Variants in CACNB2 observed in about 807,000 individuals in gnomAD.
CACNB2 encodes the protein voltage-dependent L-type calcium channel subunit beta-2.
A neutral mutation model predicts 73.3 loss-of-function variants in CACNB2; 42 were observed. The ratio of observed to expected loss-of-function variants is 0.57; its 90% CI spans 0.45 to 0.74. The LOEUF (loss-of-function observed/expected upper bound fraction) is 0.74, where lower values mean the gene tolerates loss of function less well. CACNB2 is among the 30% of genes least tolerant of loss of function. CACNB2 has a pLI of 0.00. For missense variants in CACNB2, 940 were observed against 853.0 expected (o/e 1.10, Z -1.27); for synonymous variants, 348 against 310.3 (o/e 1.12, Z -1.28).
chr10:18,396,413 C>T (rs933099834), intron 2 of CACNB2, among the ~76,000 whole-genome samples: 1 of 152,240 alleles, frequency 6.6e-6, no homozygotes, highest in African/African-American at 2.4e-5. Context: ...CCTTCCCCCA[C>T]AGACAATACA....
At chr10:18,393,444 A>G (rs1421250093) in intron 2 of CACNB2, among the ~76,000 whole-genome samples, 1 of 152,220 alleles carries the variant, frequency 6.6e-6, no homozygotes, top group Non-Finnish European at 1.5e-5. Context: ...TATAAACTGT[A>G]AATAGCCATC....
chr10:18,355,207 C>T (rs553462836), intron 2 of CACNB2, among the ~76,000 whole-genome samples: 2 of 151,870 alleles, frequency 1.3e-5, no homozygotes, highest in African/African-American at 2.4e-5. Context: ...CATGTACACT[C>T]TAAGTGTTTC....
intron 3 of CACNB2, among the ~76,000 whole-genome samples, chr10:18,468,287 ATCTCC>A (rs1564583687): frequency 6.6e-6 from 1 of 151,972 alleles, no homozygotes; most frequent in Non-Finnish European, 1.5e-5. Flanking sequence ...GCGAAAACCC[ATCTCC>A]ACAAAAAACA....
chr10:18,500,392 A>G lies in CACNB2; in HGVS notation c.457-420A>G, dbSNP rs148155043. ...GGTAAATTGTCCTGTGACATGAAATATTTAAGGTACACTTCAATATTTATC... is the reference window on the plus strand; with the variant it reads ...GGTAAATTGTCCTGTGACATGAAATGTTTAAGGTACACTTCAATATTTATC... On this transcript the variant is annotated intron_variant, in intron 4 of 13. Coordinates refer to ENST00000324631, the MANE Select transcript of CACNB2 (RefSeq NM_201596.3). Among the ~76,000 whole-genome samples, 738 of 152,360 alleles carry G rather than the reference A, an allele frequency of 4.8e-3. 3 individuals carry two copies. The highest frequency in any genetic ancestry group is 7.7e-3 in the Admixed American group (118 of 15,306).
At chr10:18,438,183 A>ATTTTTTTTTTTTTTT (rs372226267) in intron 3 of CACNB2, among the ~76,000 whole-genome samples, 4 of 93,954 alleles carry the variant, frequency 4.3e-5, no homozygotes, top group Non-Finnish European at 6.0e-5. Context: ...ACACCTGGCG[A>ATTTTTTTTTTTTTTT]TTTTTTTTTT....
At chr10:18,239,419 C>T (rs945585389) in intron 2 of CACNB2, among the ~76,000 whole-genome samples, 3 of 152,130 alleles carry the variant, frequency 2.0e-5, no homozygotes, top group Admixed American at 6.6e-5. Flanking sequence ...TGAGTTATTT[C>T]ACTTAAGACA....
chr10:18,196,110 A>T (rs2034610119), intron 2 of CACNB2, among the ~76,000 whole-genome samples: 2 of 152,144 alleles, frequency 1.3e-5, no homozygotes. Flanking sequence ...CCCTGCCAAA[A>T]GGAAGCTAAT....
At chr10:18,204,562 G>A (rs753967374) in intron 2 of CACNB2, among the ~76,000 whole-genome samples, 1 of 152,132 alleles carries the variant, frequency 6.6e-6, no homozygotes, top group Non-Finnish European at 1.5e-5. Context: ...ACCTGTCATA[G>A]GATTCAAATT....
At chr10:18,231,178 T>C (rs577733906) in intron 2 of CACNB2, among the ~76,000 whole-genome samples, 3 of 152,152 alleles carry the variant, frequency 2.0e-5, no homozygotes, top group Admixed American at 1.3e-4. Flanking sequence ...AACTCTTTTT[T>C]CTTCTTCTTC....
intron 4 of CACNB2, among the ~76,000 whole-genome samples, chr10:18,500,174 G>C (rs1262122541): frequency 6.6e-6 from 1 of 152,136 alleles, no homozygotes; most frequent in Middle Eastern, 3.4e-3. Context: ...ACCATGAAAG[G>C]AAAAGAAAAA....
At chr10:18,380,679 T>A (rs1036436076) in intron 2 of CACNB2, among the ~76,000 whole-genome samples, 3 of 152,010 alleles carry the variant, frequency 2.0e-5, no homozygotes, top group African/African-American at 7.3e-5. Context: ...GGTCTGGAAC[T>A]CCTGAGCTCA....
chr10:18,143,854 G>A (rs1286925329), intron 1 of CACNB2, among the ~76,000 whole-genome samples: 2 of 152,114 alleles, frequency 1.3e-5, no homozygotes, highest in Non-Finnish European at 2.9e-5. Context: ...ATTGGTTTTA[G>A]GAATCATTCT....
At chr10:18,477,019 C>CAAA (rs35846838) in intron 3 of CACNB2, among the ~76,000 whole-genome samples, 77 of 122,538 alleles carry the variant, frequency 6.3e-4, no homozygotes, top group African/African-American at 2.3e-3. Context: ...GATTGAATCT[C>CAAA]AAAAAAAAAA....
intron 2 of CACNB2, among the ~76,000 whole-genome samples, chr10:18,304,110 C>A (rs1352183441): frequency 6.6e-6 from 1 of 152,138 alleles, no homozygotes; most frequent in Non-Finnish European, 1.5e-5. Flanking sequence ...CTTGCACCCC[C>A]ACATCCTTCT....
intron 3 of CACNB2, among the ~76,000 whole-genome samples, chr10:18,443,958 G>A (rs890219486): frequency 1.1e-4 from 17 of 152,130 alleles, no homozygotes; most frequent in African/African-American, 2.9e-4. Context: ...CGAGCAATCC[G>A]CCCGCCTTGG....
intron 2 of CACNB2, among the ~76,000 whole-genome samples, chr10:18,274,044 T>C (rs1004860475): frequency 9.2e-5 from 14 of 152,306 alleles, no homozygotes; most frequent in Non-Finnish European, 1.9e-4. Flanking sequence ...AAAGTTCCAC[T>C]CCTTGGGGGT....
intron 2 of CACNB2, among the ~76,000 whole-genome samples, chr10:18,357,477 G>A (rs951387124): frequency 2.6e-5 from 4 of 152,172 alleles, no homozygotes; most frequent in Non-Finnish European, 5.9e-5. Context: ...TAGGGCCACT[G>A]CATGGACGGA....
intron 3 of CACNB2, among the ~76,000 whole-genome samples, chr10:18,451,432 G>A (rs950294084): frequency 6.6e-6 from 1 of 152,136 alleles, no homozygotes; most frequent in African/African-American, 2.4e-5. Flanking sequence ...CATGGATAGA[G>A]AGTTTCTGTC....
chr10:18,220,110 AATATAT>A (rs1165921150), intron 2 of CACNB2, among the ~76,000 whole-genome samples: 535 of 32,594 alleles, frequency 0.016, 13 homozygotes, highest in East Asian at 0.022. Context: ...TTTATTTTTT[AATATAT>A]ATATATATAT....
Sources: gnomAD v4.1 joint callset for allele counts (sites outside exome capture counted in the v4.1 genomes callset) on GRCh38, gnomAD v4.1.1 for gene constraint, MANE v1.5 for transcripts, NCBI Gene and HGNC (gene_info 2026-07-23, HGNC 2026-07-21) for gene names.